Variants in RBBP8 observed in about 807,000 individuals in gnomAD.
RBBP8 encodes DNA endonuclease RBBP8.
A neutral mutation model predicts 108.3 loss-of-function variants in RBBP8; 88 were observed. That is an observed-to-expected ratio of 0.81 (90% CI 0.68 to 0.97). The LOEUF is 0.97. Among genes scored for constraint, RBBP8 ranks in the 50% least tolerant of loss-of-function variants. The pLI is 0.00. For missense variants in RBBP8, 1,023 were observed against 1,049.0 expected, an observed-to-expected ratio of 0.98 and a Z score of 0.34; for synonymous variants, 332 against 348.2, an observed-to-expected ratio of 0.95 and a Z score of 0.52.
chr18:22,994,014 C>CTTTTTTTTT lies in RBBP8; in HGVS notation c.1939+183_1939+191dup, dbSNP rs777055614. Among the ~76,000 whole-genome samples, 47 of 75,126 alleles carry CTTTTTTTTT rather than the reference C, an allele frequency of 6.3e-4. 3 individuals are homozygous for CTTTTTTTTT. Among genetic ancestry groups the CTTTTTTTTT allele is most frequent in the Admixed American group, 1.1e-3 (5 of 4,510 alleles). 49.3% of individuals were successfully genotyped at this position (75,126 alleles called of 152,430 possible). A position where few individuals can be genotyped will look rare whatever the true frequency, so the allele number is the denominator to read the frequency against. ...ACATTTTACCGGTGATTTTTCTGTTCTTTTTTTTTTTTTTTTTTTTTTTTG... is the reference window on the plus strand; with the variant it reads ...ACATTTTACCGGTGATTTTTCTGTTCTTTTTTTTTTTTTTTTTTTTTTTTTTTTTTTTTG... On this transcript the variant is annotated intron_variant, in intron 12 of 18. Coordinates refer to ENST00000327155, the MANE Select transcript of RBBP8 (RefSeq NM_002894.3).
intron 3 of RBBP8, among the ~76,000 whole-genome samples, chr18:22,948,139 G>T (rs1247120754): frequency 1.3e-5 from 2 of 152,024 alleles, no homozygotes; most frequent in African/African-American, 2.4e-5. Flanking sequence ...TTATGATACA[G>T]ATTATTTAAG....
chr18:22,981,192 G>A (rs1030951405), intron 6 of RBBP8, among the ~76,000 whole-genome samples: 27 of 151,140 alleles, frequency 1.8e-4, no homozygotes, highest in Admixed American at 1.4e-3. Context: ...GGATGGTCTC[G>A]ATCTCCTGAC....
chr18:23,008,390 A>C (rs1567998209), intron 16 of RBBP8, among the ~76,000 whole-genome samples: 1 of 152,206 alleles, frequency 6.6e-6, no homozygotes, highest in Non-Finnish European at 1.5e-5. Flanking sequence ...ATTTTGTTTA[A>C]TGCTTAATTC....
chr18:22,934,390 C>A (rs573679923), intron 1 of RBBP8: 1 of 152,296 alleles, frequency 6.6e-6, no homozygotes, highest in South Asian at 2.1e-4. Context: ...ATTTTACACT[C>A]TTTAAACGAA....
Position 22,980,119 on chromosome 18 carries a change from G to A in RBBP8, c.429-2099G>A, listed in dbSNP as rs1223467252. Among the ~76,000 whole-genome samples, 9 of 152,112 alleles carry A rather than the reference G, an allele frequency of 5.9e-5. 1 individual carries two copies. The highest frequency in any genetic ancestry group is 8.8e-5 in the Non-Finnish European group (6 of 67,994). ...AAATTAGCCAGGCATGGTGTTGCACGCTTGTAATCCCACCTACTCAGGAGG... is the reference window on the plus strand; with the variant it reads ...AAATTAGCCAGGCATGGTGTTGCACACTTGTAATCCCACCTACTCAGGAGG... On this transcript the variant is annotated intron_variant, in intron 6 of 18. Coordinates refer to ENST00000327155, the MANE Select transcript of RBBP8 (RefSeq NM_002894.3).
chr18:23,016,999 C>G, intron 17 of RBBP8, 75 bp downstream of exon 17: 2 of 1,082,356 alleles, frequency 1.8e-6, no homozygotes, highest in Non-Finnish European at 2.8e-6. Context: ...TTTAAAATCA[C>G]GTATACAAAC....
At chr18:23,022,066 C>T in intron 17 of RBBP8, 63 bp from the exon 18 acceptor site, 1 of 1,351,364 alleles carries the variant, frequency 7.4e-7, no homozygotes, top group Non-Finnish European at 1.1e-6. Flanking sequence ...AGTTTGTAAT[C>T]AATAAGCATA....
intron 5 of RBBP8, among the ~76,000 whole-genome samples, chr18:22,973,525 A>G (rs1914274636): frequency 1.3e-5 from 2 of 152,242 alleles, no homozygotes; most frequent in Non-Finnish European, 1.5e-5. Flanking sequence ...CCACCTCTAC[A>G]TAGGTCCAGA....
chr18:22,951,759 C>T (rs1339672860), intron 4 of RBBP8, among the ~76,000 whole-genome samples: 3 of 152,152 alleles, frequency 2.0e-5, no homozygotes. Context: ...ACCCCCTCCT[C>T]GGGTTATATT....
chr18:23,014,793 C>T (rs1437139812), intron 16 of RBBP8, among the ~76,000 whole-genome samples: 1 of 152,128 alleles, frequency 6.6e-6, no homozygotes, highest in Non-Finnish European at 1.5e-5. Context: ...TTAAAAATAA[C>T]AACAAATGAT....
intron 5 of RBBP8, among the ~76,000 whole-genome samples, chr18:22,969,195 T>C (rs1913881647): frequency 6.6e-6 from 1 of 151,696 alleles, no homozygotes; most frequent in African/African-American, 2.4e-5. Context: ...TTTGGACATG[T>C]CCATATTTGC....
At chr18:23,003,841 G>A (rs1387255541) in intron 15 of RBBP8, among the ~76,000 whole-genome samples, 3 of 151,988 alleles carry the variant, frequency 2.0e-5, no homozygotes, top group Non-Finnish European at 2.9e-5. Context: ...GGCGGATCAC[G>A]AGGTCAGGAG....
At chr18:23,008,135 AT>A (rs1213531124) in intron 16 of RBBP8, among the ~76,000 whole-genome samples, 2 of 152,106 alleles carry the variant, frequency 1.3e-5, no homozygotes, top group African/African-American at 4.8e-5. Context: ...TTTAACCATA[AT>A]GCGACCTTCT....
intron 15 of RBBP8, among the ~76,000 whole-genome samples, chr18:23,004,010 TCACG>T (rs139160106): frequency 0.03 from 3,814 of 125,852 alleles, 78 homozygotes; most frequent in East Asian, 0.1. Context: ...TGAGCCAAGA[TCACG>T]CCACTGTGCT....
At chr18:22,923,859 T>C (rs929654202) in intron 3 of RBBP8, among the ~76,000 whole-genome samples, 2 of 152,210 alleles carry the variant, frequency 1.3e-5, no homozygotes, top group Admixed American at 1.3e-4. Flanking sequence ...ACCATTGTTC[T>C]AATTCTATTA....
chr18:22,924,311 TAG>T (rs1456217658), intron 3 of RBBP8, among the ~76,000 whole-genome samples: 1 of 151,794 alleles, frequency 6.6e-6, no homozygotes, highest in Non-Finnish European at 1.5e-5. Flanking sequence ...GTGTTTTTAG[TAG>T]AGATGGGGTT....
chr18:22,993,566 A>T lies in RBBP8; in HGVS notation c.1739A>T (p.Glu580Val), dbSNP rs140561443. ...DNKPSLQIKE[E>V]NAVFKIPLRP... ...AAACCATCATTACAAATAAAAGAAG[A>T]AAATGCTGTCTTTAAAATTCCTCTA... Residue 580 changes from glutamate (E) to valine (V), a missense_variant, in exon 11 of 19, where the codon GAA becomes GTA. Physicochemically the swap from Glu to Val is moderately radical, Grantham distance 121. Coordinates refer to ENST00000327155, the MANE Select transcript of RBBP8 (RefSeq NM_002894.3). 1.5e-5 allele frequency: 25 copies of T among 1,613,626 alleles called. No homozygotes were observed. The highest frequency in any genetic ancestry group is 1.8e-5 in the Non-Finnish European group (21 of 1,179,934).
At chr18:22,968,343 T>C (rs1341185736) in intron 4 of RBBP8, among the ~76,000 whole-genome samples, 2 of 152,146 alleles carry the variant, frequency 1.3e-5, no homozygotes, top group African/African-American at 4.8e-5. Context: ...AGGGCTAAGA[T>C]TACAGGCATG....
At chr18:22,978,847 C>CA (rs945811516) in intron 6 of RBBP8, among the ~76,000 whole-genome samples, 6 of 151,598 alleles carry the variant, frequency 4.0e-5, no homozygotes, top group South Asian at 2.1e-4. Context: ...GTTTTTACTA[C>CA]AAAAAAAAGA....
Sources: gnomAD v4.1 joint callset for allele counts (sites outside exome capture counted in the v4.1 genomes callset) on GRCh38, gnomAD v4.1.1 for gene constraint, MANE v1.5 for transcripts, NCBI Gene and HGNC (gene_info 2026-07-23, HGNC 2026-07-21) for gene names.